Variants in RAD51 observed in about 807,000 individuals in gnomAD.
RAD51 encodes the protein RAD51 recombinase.
A neutral mutation model predicts 41.5 loss-of-function variants in RAD51; 14 were observed. That is an observed-to-expected ratio of 0.34 (90% CI 0.22 to 0.53). RAD51 has a LOEUF of 0.53. RAD51 is among the 20% of genes least tolerant of loss of function. RAD51 has a pLI of 0.95. For missense variants in RAD51, 234 were observed against 422.0 expected, an observed-to-expected ratio of 0.55 and a Z score of 3.90; for synonymous variants, 136 against 148.6, an observed-to-expected ratio of 0.92 and a Z score of 0.62.
At chr15:40,722,137 C>T (rs1008673511) in intron 6 of RAD51, among the ~76,000 whole-genome samples, 2 of 152,116 alleles carry the variant, frequency 1.3e-5, no homozygotes, top group African/African-American at 4.8e-5. Context: ...TGAGGCCAGG[C>T]GTGGTGGCTT....
At chr15:40,712,877 C>CTTTTTTTTT (rs398039433) in intron 5 of RAD51, among the ~76,000 whole-genome samples, 76 of 103,908 alleles carry the variant, frequency 7.3e-4, no homozygotes, top group South Asian at 1.4e-3. Context: ...CTTTTCTTTT[C>CTTTTTTTTT]TTTTTTTTTT....
chr15:40,700,826 A>G (rs146309948), intron 2 of RAD51, among the ~76,000 whole-genome samples: 1 of 152,308 alleles, frequency 6.6e-6, no homozygotes, highest in African/African-American at 2.4e-5. Context: ...GAGGATGTAC[A>G]TAGGTTATAT....
chr15:40,728,456 A>C (rs1284374529), intron 6 of RAD51, among the ~76,000 whole-genome samples: 2 of 75,476 alleles, frequency 2.6e-5, no homozygotes, highest in Non-Finnish European at 7.0e-5. Context: ...CGTCTCAAAG[A>C]AAAAAAAAAA....
intron 4 of RAD51, 58 bp from the exon 5 acceptor site, chr15:40,708,967 G>T: frequency 2.2e-6 from 3 of 1,389,912 alleles, no homozygotes; most frequent in South Asian, 2.3e-5. Context: ...ACATTTCTAT[G>T]ACTACAGTTT....
intron 9 of RAD51, 37 bp from the exon 10 acceptor site, chr15:40,731,018 T>C: frequency 6.2e-7 from 1 of 1,613,668 alleles, no homozygotes; most frequent in Non-Finnish European, 8.5e-7. Flanking sequence ...TGTTTAATTA[T>C]AATAAATTGG....
intron 6 of RAD51, among the ~76,000 whole-genome samples, 197 bp downstream of exon 6, chr15:40,719,096 C>T (rs1270925280): frequency 6.7e-6 from 1 of 150,248 alleles, no homozygotes; most frequent in East Asian, 1.9e-4. Context: ...TCGCTCTTGT[C>T]ACCCAGGCTA....
chr15:40,709,580 G>A (rs908173687), intron 5 of RAD51, among the ~76,000 whole-genome samples: 16 of 151,804 alleles, frequency 1.1e-4, no homozygotes, highest in African/African-American at 3.9e-4. Flanking sequence ...CACCATGTTG[G>A]CCAGGCTCCT....
At chr15:40,705,550 TTTGTCATAA>T (rs1895276438) in intron 3 of RAD51, among the ~76,000 whole-genome samples, 1 of 152,152 alleles carries the variant, frequency 6.6e-6, no homozygotes, top group Non-Finnish European at 1.5e-5. Flanking sequence ...TATTGTCATT[TTTGTCATAA>T]ATTGGGCAAA....
chr15:40,708,985 T>G, intron 4 of RAD51, 40 bp from the exon 5 acceptor site: 2 of 1,491,556 alleles, frequency 1.3e-6, no homozygotes, highest in Non-Finnish European at 1.9e-6. Flanking sequence ...TTTCTACATG[T>G]TTGTATTATG....
intron 5 of RAD51, among the ~76,000 whole-genome samples, chr15:40,712,258 C>A (rs1402575549): frequency 6.6e-6 from 1 of 152,070 alleles, no homozygotes; most frequent in Non-Finnish European, 1.5e-5. Context: ...CTCAGCCCAA[C>A]AATGTATTAC....
chr15:40,709,215 T>G, intron 5 of RAD51, 99 bp downstream of exon 5: 3 of 1,024,266 alleles, frequency 2.9e-6, no homozygotes, highest in South Asian at 1.3e-5. Flanking sequence ...GTACTTTCTC[T>G]GTCCTCAAGA....
chr15:40,725,940 C>A (rs752779621), intron 6 of RAD51, among the ~76,000 whole-genome samples: 3 of 151,886 alleles, frequency 2.0e-5, no homozygotes, highest in Non-Finnish European at 1.5e-5. Flanking sequence ...GAGCCAGGAT[C>A]GTGCCACTGT....
chr15:40,712,644 A>G (rs1895761778), intron 5 of RAD51, among the ~76,000 whole-genome samples: 2 of 152,212 alleles, frequency 1.3e-5, no homozygotes, highest in Admixed American at 6.6e-5. Context: ...CCCATGGACC[A>G]ACTCTTCTGT....
chr15:40,698,641 G>A, intron 1 of RAD51, 116 bp from the exon 2 acceptor site: 1 of 943,310 alleles, frequency 1.1e-6, no homozygotes, highest in South Asian at 1.4e-5. Flanking sequence ...CACAATAAGA[G>A]AATGGCCTTG....
intron 5 of RAD51, among the ~76,000 whole-genome samples, chr15:40,718,117 G>C (rs1896074999): frequency 6.6e-6 from 1 of 152,096 alleles, no homozygotes; most frequent in African/African-American, 2.4e-5. Flanking sequence ...TCAGCTATTT[G>C]GGAGGTGAGA....
chr15:40,720,602 A>C (rs1224137211), intron 6 of RAD51, among the ~76,000 whole-genome samples: 1 of 152,202 alleles, frequency 6.6e-6, no homozygotes, highest in Non-Finnish European at 1.5e-5. Context: ...CATCCACAAG[A>C]AAAACTAGAA....
intron 5 of RAD51, among the ~76,000 whole-genome samples, chr15:40,713,079 C>T (rs1290732822): frequency 1.5e-4 from 22 of 151,406 alleles, no homozygotes; most frequent in South Asian, 1.0e-3. Context: ...CGAGGTTTCA[C>T]CATGTTGGCC....
intron 5 of RAD51, among the ~76,000 whole-genome samples, chr15:40,712,619 T>C (rs1481559316): frequency 6.6e-6 from 1 of 152,246 alleles, no homozygotes; most frequent in East Asian, 1.9e-4. Flanking sequence ...AAAGTATCCT[T>C]GAACCTGGCC....
At chr15:40,730,056 A>G in intron 9 of RAD51, 82 bp downstream of exon 9, 1 of 1,553,072 alleles carries the variant, frequency 6.4e-7, no homozygotes, top group Non-Finnish European at 8.8e-7. Flanking sequence ...TTTTCATTTA[A>G]GCCCTGTTAA....
Sources: gnomAD v4.1 joint callset for allele counts (sites outside exome capture counted in the v4.1 genomes callset) on GRCh38, gnomAD v4.1.1 for gene constraint, MANE v1.5 for transcripts, NCBI Gene and HGNC (gene_info 2026-07-23, HGNC 2026-07-21) for gene names.